Variants in CACNA1B observed in about 807,000 individuals in gnomAD.
CACNA1B encodes the protein calcium voltage-gated channel subunit alpha1 B.
CACNA1B carries 70 observed loss-of-function variants against 247.2 expected under a neutral mutation model. The observed-to-expected ratio is 0.28, with a 90% CI of 0.23 to 0.35. The LOEUF (loss-of-function observed/expected upper bound fraction) is 0.35. Among genes scored for constraint, CACNA1B ranks in the 10% least tolerant of loss-of-function variants. The probability of loss-of-function intolerance (pLI) is 1.00; values close to 1 mark genes in which losing one functional copy is unlikely to be tolerated. For synonymous variants in CACNA1B, 1,231 were observed against 1,294.4 expected, an observed-to-expected ratio of 0.95 and a Z score of 1.05; for missense variants, 2,367 against 3,197.4, an observed-to-expected ratio of 0.74 and a Z score of 6.26.
At position 137,952,254 on chromosome 9, in the gene CACNA1B, C is replaced by T. The variant is rs77534288; in HGVS notation, c.967-20C>T. 1.4e-3 allele frequency: 2,242 copies of T among 1,603,264 alleles called. 25 individuals carry two copies. In the African/African-American group the frequency reaches 0.026, roughly 19 times the overall value. On this transcript the variant is annotated intron_variant, in intron 6 of 46. Transcript: ENST00000371372. This position sits in a 1 kb window ranked among gnomAD's most constrained non-coding sequence, Gnocchi z 4.8. ...GTGTTTTGTCCCTGTCCTTCCTCAT[C>T]TCCCTCTCCTTGCTTCCAGACAAAC... is the stretch of plus-strand genomic sequence containing the variant.
In CACNA1B at chr9:138,123,993, G is replaced by A. The variant is rs1400850098; in HGVS notation, c.*1994G>A. On this transcript the variant is annotated 3_prime_UTR_variant, in exon 47 of 47. Coordinates refer to ENST00000371372, the MANE Select transcript of CACNA1B (RefSeq NM_000718.4). ...AACCACAGCCATTTCCCCAGGCAGT[G>A]TTGGGTCGAGAATCCACTTTTCTAA... 1 of 152,204 alleles carries A rather than the reference G, an allele frequency of 6.6e-6. No homozygotes were observed. The highest frequency in any genetic ancestry group is 1.5e-5 in the Non-Finnish European group (1 of 68,054). 9.4% of individuals were successfully genotyped at this position (152,204 alleles called of 1,614,324 possible). A position where few individuals can be genotyped will look rare whatever the true frequency, so the allele number is the denominator to read the frequency against.
intron 36 of CACNA1B, among the ~76,000 whole-genome samples, chr9:138,085,772 T>C (rs1686260860): frequency 6.6e-6 from 1 of 151,210 alleles, no homozygotes; most frequent in Non-Finnish European, 1.5e-5. Context: ...AAACAAACTG[T>C]CAGTCAAGAA....
At chr9:138,099,774 C>T (rs927219830) in intron 37 of CACNA1B, among the ~76,000 whole-genome samples, 13 of 152,218 alleles carry the variant, frequency 8.5e-5, no homozygotes, top group African/African-American at 2.2e-4. Context: ...TCTGAAGGCA[C>T]GAAACTGTTC....
In CACNA1B at chr9:138,102,878, C is replaced by A; in HGVS notation, c.5319+71C>A. On this transcript the variant is annotated intron_variant, in intron 38 of 46. Coordinates refer to ENST00000371372, the MANE Select transcript of CACNA1B (RefSeq NM_000718.4). This position sits in a 1 kb window ranked among gnomAD's most constrained non-coding sequence, Gnocchi z 5.4. Reference sequence around the variant, plus strand: ...TTGCTGAGGGGTGCTTGCTGGCTCTCCCAGCTCCTCTCCCTTTCAGGGTGC... The same window carrying A: ...TTGCTGAGGGGTGCTTGCTGGCTCTACCAGCTCCTCTCCCTTTCAGGGTGC... 1.1e-6 allele frequency: 1 copy of A among 905,806 alleles called. No individual in the cohort carries two copies. Among genetic ancestry groups the A allele is most frequent in the Non-Finnish European group, 1.7e-6 (1 of 578,880 alleles). The allele number at this position is 905,806 out of a possible 1,614,324, so 56.1% of individuals were successfully genotyped here.
Position 138,050,068 on chromosome 9 carries a change from T to C in CACNA1B, c.3710+753T>C. On this transcript the variant is annotated intron_variant, in intron 24 of 46. Transcript: ENST00000371372. This position sits in a 1 kb window ranked among gnomAD's most constrained non-coding sequence, Gnocchi z 5.2. ...TCTCTTTGTCTTCCTCTTGCTGGAC[T>C]CGGCAGGAGCTTCGTGGGGTAATGC... 7.8e-7 allele frequency: 1 copy of C among 1,289,658 alleles called. No individual in the cohort carries two copies. 79.9% of individuals were successfully genotyped at this position (1,289,658 alleles called of 1,614,324 possible).
At chr9:137,879,011 T>TC (rs2133213991) in intron 1 of CACNA1B, 43 bp from the exon 2 acceptor site, 1 of 1,332,364 alleles carries the variant, frequency 7.5e-7, no homozygotes, top group East Asian at 2.4e-5. Flanking sequence ...GCCTCGTGTT[T>TC]CCCTCCGTGC....
rs979029149 is a variant in CACNA1B, at chr9:138,051,364, C to T, written c.3711-728C>T. On this transcript the variant is annotated intron_variant, in intron 24 of 46. Transcript: ENST00000371372. This position sits in a 1 kb window ranked among gnomAD's most constrained non-coding sequence, Gnocchi z 4.3. ...GCTTCTGTGCCTGGAATTTTCTTTCCCCGACTTCCTGCCTTGCCGTCCCTG... is the reference window on the plus strand; with the variant it reads ...GCTTCTGTGCCTGGAATTTTCTTTCTCCGACTTCCTGCCTTGCCGTCCCTG... Among the ~76,000 whole-genome samples the T allele has an allele frequency of 6.6e-6, 1 of 151,634 alleles. No homozygotes were observed. The highest frequency in any genetic ancestry group is 2.4e-5 in the African/African-American group (1 of 41,270).
chr9:138,030,081 C>G (rs1413616399), intron 20 of CACNA1B, among the ~76,000 whole-genome samples: 1 of 152,144 alleles, frequency 6.6e-6, no homozygotes, highest in Non-Finnish European at 1.5e-5. Flanking sequence ...CCTGTCTTCC[C>G]TTATTGCACT....
At chr9:137,943,460 C>G (rs146130360) in intron 6 of CACNA1B, among the ~76,000 whole-genome samples, 85 of 152,242 alleles carry the variant, frequency 5.6e-4, no homozygotes, top group Admixed American at 1.5e-3. Flanking sequence ...TTGAGGTAAC[C>G]CAAACTCGGG....
At chr9:137,897,402 A>T (rs1266443780) in intron 3 of CACNA1B, among the ~76,000 whole-genome samples, 1 of 152,154 alleles carries the variant, frequency 6.6e-6, no homozygotes, top group Non-Finnish European at 1.5e-5. Context: ...TAACATGGTG[A>T]AACCCCATCT....
At chr9:138,030,128 C>T (rs2133449325) in intron 20 of CACNA1B, among the ~76,000 whole-genome samples, 1 of 152,276 alleles carries the variant, frequency 6.6e-6, no homozygotes, top group Non-Finnish European at 1.5e-5. Context: ...ATAGCTGTGG[C>T]AAGAACTGAC....
chr9:138,086,129 C>T (rs1187119726), intron 36 of CACNA1B, among the ~76,000 whole-genome samples: 1 of 151,210 alleles, frequency 6.6e-6, no homozygotes, highest in Non-Finnish European at 1.5e-5. Flanking sequence ...TAAGTCCTAC[C>T]TATAAATGAT....
chr9:137,904,246 A>G (rs1030904740), intron 3 of CACNA1B, among the ~76,000 whole-genome samples: 1 of 151,796 alleles, frequency 6.6e-6, no homozygotes, highest in Non-Finnish European at 1.5e-5. Flanking sequence ...TAAAACCCAG[A>G]GTGCTGGGCC....
At chr9:138,043,717 G>A (rs1214438624) in intron 20 of CACNA1B, 57 bp from the exon 21 acceptor site, 13 of 1,602,316 alleles carry the variant, frequency 8.1e-6, no homozygotes, top group Admixed American at 5.0e-5. Context: ...AGGGAGCCAC[G>A]CAACGTGGGC....
At chr9:138,091,922 G>A (rs1960893717) in intron 36 of CACNA1B, among the ~76,000 whole-genome samples, 1 of 152,138 alleles carries the variant, frequency 6.6e-6, no homozygotes, top group African/African-American at 2.4e-5. Context: ...GGGCCTCCGG[G>A]GGTGACATCA....
At position 138,121,518 on chromosome 9, in the gene CACNA1B, G is replaced by A; in HGVS notation, c.6539G>A (p.Ser2180Asn). 1 of 1,568,686 alleles carries A rather than the reference G, an allele frequency of 6.4e-7. No homozygotes were observed. Residue 2180 changes from serine (S) to asparagine (N), a missense_variant, in exon 47 of 47, where the codon AGC becomes AAC. Physicochemically the swap from Ser to Asn is conservative, Grantham distance 46 (BLOSUM62 1). Around this residue, in one of 12 missense-constraint regions of CACNA1B, gnomAD observed 773 missense variants for 779.4 expected, o/e 0.99. Coordinates refer to ENST00000371372, the MANE Select transcript of CACNA1B (RefSeq NM_000718.4). The surrounding 1 kb of genome is among the most constrained non-coding windows in gnomAD (Gnocchi z 6.8). ...GSPLLSTSGA[S>N]TPGRGGRRQL... ...CCCTTGCTGTCAACATCTGGTGCTA[G>A]CACCCCCGGCCGCGGTGGGCGGAGG... is the stretch of plus-strand genomic sequence containing the variant.
chr9:138,064,425 G>A (rs1447297221), intron 31 of CACNA1B, among the ~76,000 whole-genome samples: 1 of 152,234 alleles, frequency 6.6e-6, no homozygotes, highest in Non-Finnish European at 1.5e-5. Context: ...CTGGTTGAGA[G>A]ACTCGGGAGG....
chr9:137,908,343 C>T (rs985576722), intron 3 of CACNA1B, among the ~76,000 whole-genome samples: 1 of 151,938 alleles, frequency 6.6e-6, no homozygotes, highest in Non-Finnish European at 1.5e-5. Context: ...TGGTGGAACC[C>T]CGTCTCTAAT....
chr9:138,116,272 T>C (rs1419568366), intron 42 of CACNA1B, among the ~76,000 whole-genome samples: 1 of 152,260 alleles, frequency 6.6e-6, no homozygotes, highest in Non-Finnish European at 1.5e-5. Context: ...TTTCTGAAGC[T>C]GTTATATTTT....
Sources: allele counts gnomAD v4.1 joint callset (sites outside exome capture counted in the v4.1 genomes callset), GRCh38; gene constraint gnomAD v4.1.1; regional missense constraint gnomAD v4.1.1; non-coding constraint Gnocchi (gnomAD v3.1); transcripts MANE v1.5; gene names NCBI Gene and HGNC (gene_info 2026-07-23, HGNC 2026-07-21).